The following PCCA variants were observed in gnomAD, a reference collection of about 807,000 sequenced individuals.
PCCA encodes the protein propionyl-CoA carboxylase subunit alpha, also known as propionyl-CoA carboxylase alpha chain, mitochondrial.
PCCA carries 74 observed loss-of-function variants against 101.3 expected under a neutral mutation model. The observed-to-expected ratio is 0.73, with a 90% CI of 0.61 to 0.89. PCCA has a LOEUF of 0.89. PCCA is among the 40% of genes least tolerant of loss of function. The pLI, the probability that PCCA is intolerant of heterozygous loss-of-function variation, is 0.00. For synonymous variants in PCCA, 294 were observed against 313.6 expected (o/e 0.94, Z 0.66); for missense variants, 891 against 907.0 (o/e 0.98, Z 0.23).
chr13:100,216,833 G>T (rs74964422), intron 7 of PCCA, among the ~76,000 whole-genome samples: 2 of 152,232 alleles, frequency 1.3e-5, no homozygotes, highest in African/African-American at 4.8e-5. Context: ...TTTCATCCGG[G>T]TATGGTGGCT....
intron 21 of PCCA, among the ~76,000 whole-genome samples, chr13:100,465,067 T>A (rs1316206962): frequency 2.0e-5 from 3 of 152,166 alleles, no homozygotes; most frequent in Non-Finnish European, 4.4e-5. Context: ...GCTCTTCTCT[T>A]ATAGAAGAAA....
rs35437792 is a variant in PCCA at position 100,523,565 on chromosome 13, A to C, written c.2041-4110A>C. 3.1e-3 allele frequency among the ~76,000 whole-genome samples: 477 copies of C among 152,286 alleles called. 1 individual carries two copies. The highest frequency in any genetic ancestry group is 6.8e-3 in the East Asian group (35 of 5,172). Reference sequence around the variant, plus strand: ...CACTCGGGCCCCCACGACATGCGAAAATCTGCTGAGTAAATGGGCCGAGGT... The same window carrying C: ...CACTCGGGCCCCCACGACATGCGAACATCTGCTGAGTAAATGGGCCGAGGT... On this transcript the variant is annotated intron_variant, in intron 22 of 23. Coordinates refer to ENST00000376285, the MANE Select transcript of PCCA (RefSeq NM_000282.4).
At chr13:100,478,011 G>C (rs1046019277) in intron 21 of PCCA, among the ~76,000 whole-genome samples, 2 of 152,334 alleles carry the variant, frequency 1.3e-5, no homozygotes, top group Admixed American at 6.5e-5. Flanking sequence ...TGGCGAGCTC[G>C]AGCTAATCGG....
chr13:100,483,173 C>T (rs1009180758), intron 21 of PCCA, among the ~76,000 whole-genome samples: 3 of 151,688 alleles, frequency 2.0e-5, no homozygotes, highest in Non-Finnish European at 2.9e-5. Flanking sequence ...TTTATTCCAT[C>T]ATTAAAAGTA....
intron 19 of PCCA, among the ~76,000 whole-genome samples, chr13:100,372,919 T>G (rs1368584940): frequency 6.6e-6 from 1 of 152,136 alleles, no homozygotes; most frequent in East Asian, 1.9e-4. Flanking sequence ...TTTTTTTGTA[T>G]TTTTAGTAGA....
At chr13:100,329,698 G>C (rs2069255349) in intron 16 of PCCA, among the ~76,000 whole-genome samples, 1 of 152,110 alleles carries the variant, frequency 6.6e-6, no homozygotes, top group Non-Finnish European at 1.5e-5. Context: ...GATGAAAAGT[G>C]GATTTTATAT....
chr13:100,294,638 T>C (rs1204849879), intron 12 of PCCA, among the ~76,000 whole-genome samples: 1 of 152,160 alleles, frequency 6.6e-6, no homozygotes, highest in Non-Finnish European at 1.5e-5. Flanking sequence ...GAATTGGCAG[T>C]GGTGATATTA....
intron 21 of PCCA, chr13:100,466,205 G>T (rs2082505468): frequency 6.6e-6 from 1 of 152,248 alleles, no homozygotes; most frequent in Non-Finnish European, 1.5e-5. Flanking sequence ...TCCTGCTGGT[G>T]AGACATATTA....
At chr13:100,131,961 T>C (rs758977028) in intron 4 of PCCA, among the ~76,000 whole-genome samples, 4 of 152,098 alleles carry the variant, frequency 2.6e-5, no homozygotes, top group Non-Finnish European at 4.4e-5. Context: ...AGGGAATGCT[T>C]TTTTGAGGAA....
chr13:100,301,483 C>T lies in PCCA; in HGVS notation c.1089C>T (p.Cys363=), dbSNP rs766934571. 1.9e-6 allele frequency: 3 copies of T among 1,614,048 alleles called. No individual in the cohort carries two copies. The highest frequency in any genetic ancestry group is 2.5e-6 in the Non-Finnish European group (3 of 1,179,936). ...RLQVEHPVTE[C]ITGLDLVQEM... is the part of the protein sequence containing the mutation. The stretch of plus-strand genomic sequence containing the variant: ...AGGTTGAGCATCCTGTCACAGAATG[C>T]ATTACTGGCCTGGACCTAGTCCAGG... The change falls in exon 13 of 24, where the codon TGC becomes TGT. Residue 363 remains cysteine (C), a synonymous_variant. Transcript: ENST00000376285.
At chr13:100,116,513 G>A (rs2048815278) in intron 4 of PCCA, among the ~76,000 whole-genome samples, 1 of 152,180 alleles carries the variant, frequency 6.6e-6, no homozygotes, top group African/African-American at 2.4e-5. Flanking sequence ...GTTTACCTCT[G>A]TTGGTCCCTT....
intron 16 of PCCA, among the ~76,000 whole-genome samples, chr13:100,319,247 G>A (rs61970471): frequency 2.0e-5 from 3 of 151,896 alleles, no homozygotes; most frequent in Non-Finnish European, 2.9e-5. Flanking sequence ...CCTTTGTCAG[G>A]TGAGTAGATT....
intron 21 of PCCA, among the ~76,000 whole-genome samples, chr13:100,497,661 C>G (rs1215073984): frequency 6.6e-6 from 1 of 151,904 alleles, no homozygotes; most frequent in Admixed American, 6.6e-5. Flanking sequence ...TGCAGCTGAC[C>G]ATTAGTGATG....
intron 9 of PCCA, among the ~76,000 whole-genome samples, chr13:100,260,512 T>C (rs750437075): frequency 2.0e-5 from 3 of 151,724 alleles, no homozygotes; most frequent in Non-Finnish European, 4.4e-5. Context: ...TTCTCCTGCC[T>C]CAGCCTCCCA....
chr13:100,221,081 GTCAGCA>G (rs1257986191), intron 7 of PCCA, among the ~76,000 whole-genome samples: 3 of 152,056 alleles, frequency 2.0e-5, no homozygotes, highest in African/African-American at 7.2e-5. Flanking sequence ...GGCTTCTAGA[GTCAGCA>G]TGAAAATGGG....
chr13:100,497,461 AT>A (rs760521573), intron 21 of PCCA, among the ~76,000 whole-genome samples: 2,991 of 142,310 alleles, frequency 0.021, 42 homozygotes, highest in East Asian at 0.11. Context: ...AGCCAATTTA[AT>A]TTTTTTTTTT....
At chr13:100,122,384 T>C (rs2049492678) in intron 4 of PCCA, among the ~76,000 whole-genome samples, 1 of 152,188 alleles carries the variant, frequency 6.6e-6, no homozygotes, top group African/African-American at 2.4e-5. Context: ...TCTCATCTTC[T>C]AGTTTTTTTG....
intron 21 of PCCA, among the ~76,000 whole-genome samples, chr13:100,472,740 G>A (rs1173324558): frequency 6.6e-6 from 1 of 152,120 alleles, no homozygotes; most frequent in African/African-American, 2.4e-5. Context: ...TACTGGCTTG[G>A]TGTGTGTTAG....
At chr13:100,494,505 G>A (rs1302061396) in intron 21 of PCCA, among the ~76,000 whole-genome samples, 1 of 151,622 alleles carries the variant, frequency 6.6e-6, no homozygotes, top group East Asian at 2.0e-4. Flanking sequence ...CCAACATGGA[G>A]AAACCCTGCC....
Sources: gnomAD v4.1 joint callset for allele counts (sites outside exome capture counted in the v4.1 genomes callset) on GRCh38, gnomAD v4.1.1 for gene constraint, MANE v1.5 for transcripts, NCBI Gene and HGNC (gene_info 2026-07-23, HGNC 2026-07-21) for gene names.